DACH1: variants seen among roughly 807,000 people sequenced by gnomAD.
The protein encoded by DACH1 is dachshund homolog 1.
Under a neutral mutation model 54.2 loss-of-function variants are expected in DACH1, and 12 were observed. The observed-to-expected ratio is 0.22, with a 90% confidence interval of 0.14 to 0.36. The LOEUF (loss-of-function observed/expected upper bound fraction) is 0.36. Among genes scored for constraint, DACH1 ranks in the 10% least tolerant of loss-of-function variants. The probability of loss-of-function intolerance (pLI) is 1.00; values close to 1 mark genes in which losing one functional copy is unlikely to be tolerated. For missense variants in DACH1, 805 were observed against 929.8 expected, an observed-to-expected ratio of 0.87 and a Z score of 1.75; for synonymous variants, 386 against 366.2, an observed-to-expected ratio of 1.05 and a Z score of -0.62.
intron 1 of DACH1, among the ~76,000 whole-genome samples, chr13:71,684,513 C>T (rs1881064235): frequency 1.3e-5 from 2 of 152,112 alleles, no homozygotes; most frequent in South Asian, 4.1e-4. Flanking sequence ...CCATCAAAGC[C>T]CTTTTCTATG....
chr13:71,449,610 G>A (rs917163691), intron 10 of DACH1, among the ~76,000 whole-genome samples: 1 of 151,820 alleles, frequency 6.6e-6, no homozygotes, highest in Non-Finnish European at 1.5e-5. Flanking sequence ...GTTGATGGGT[G>A]CAGCAAACCA....
intron 2 of DACH1, among the ~76,000 whole-genome samples, chr13:71,678,948 C>T (rs189280914): frequency 1.3e-3 from 197 of 152,302 alleles, no homozygotes; most frequent in African/African-American, 3.7e-3. Context: ...GCCTGAACCC[C>T]GGGCCCAGCC....
rs534509588 is a variant in DACH1 at position 71,786,544 on chromosome 13, G to T, written c.848+79378C>A. Among the ~76,000 whole-genome samples the T allele has an allele frequency of 2.0e-4, 31 of 152,240 alleles. 1 individual carries two copies. In the South Asian group the frequency reaches 6.4e-3, roughly 32 times the overall value. On this transcript the variant is annotated intron_variant, in intron 1 of 10. Coordinates refer to ENST00000613252, the MANE Select transcript of DACH1 (RefSeq NM_080759.6). ...GAAAGTAAAAAGGTTAATAAAATTA[G>T]ATCTTTACAACCTATCTGAAAATGG...
intron 1 of DACH1, among the ~76,000 whole-genome samples, chr13:71,856,742 T>G (rs1301089940): frequency 6.6e-6 from 1 of 151,920 alleles, no homozygotes; most frequent in African/African-American, 2.4e-5. Context: ...GATGACGTAA[T>G]GACTTGACAT....
At chr13:71,790,370 A>G (rs766221668) in intron 1 of DACH1, among the ~76,000 whole-genome samples, 2 of 152,170 alleles carry the variant, frequency 1.3e-5, no homozygotes, top group South Asian at 2.1e-4. Context: ...CAATTCTAAA[A>G]TGTCTCCTTA....
At chr13:71,799,758 T>C (rs1038125266) in intron 1 of DACH1, among the ~76,000 whole-genome samples, 22 of 152,066 alleles carry the variant, frequency 1.4e-4, no homozygotes, top group African/African-American at 2.7e-4. Flanking sequence ...GCTTATGGCA[T>C]AGGTGCAGAA....
intron 3 of DACH1, among the ~76,000 whole-genome samples, chr13:71,630,341 C>T (rs1473002030): frequency 2.0e-5 from 3 of 152,042 alleles, no homozygotes. Flanking sequence ...AAAGTTGATC[C>T]TATAATTAAA....
intron 1 of DACH1, among the ~76,000 whole-genome samples, chr13:71,816,609 TATATATACACGTGTATATATACAC>T (rs1887946500): frequency 1.0e-5 from 1 of 97,224 alleles, no homozygotes; most frequent in African/African-American, 3.5e-5. Flanking sequence ...TATGTGTGTA[TATATATACACGTGTATATATACAC>T]ACACATATGT....
chr13:71,744,304 A>G (rs999282703), intron 1 of DACH1, among the ~76,000 whole-genome samples: 6 of 152,200 alleles, frequency 3.9e-5, no homozygotes, highest in African/African-American at 1.2e-4. Flanking sequence ...TGTCCCAGAT[A>G]AGGCACTTAG....
At chr13:71,779,255 GTATATATGTGTA>G (rs1401978815) in intron 1 of DACH1, among the ~76,000 whole-genome samples, 14 of 60,062 alleles carry the variant, frequency 2.3e-4, no homozygotes, top group African/African-American at 4.9e-4. Flanking sequence ...ACGTATATAC[GTATATATGTGTA>G]TATATACGTA....
intron 10 of DACH1, among the ~76,000 whole-genome samples, chr13:71,449,542 G>T (rs188928132): frequency 6.6e-6 from 1 of 151,824 alleles, no homozygotes; most frequent in South Asian, 2.1e-4. Flanking sequence ...GGGGCTAGGG[G>T]AGGGAGAGCA....
intron 3 of DACH1, among the ~76,000 whole-genome samples, chr13:71,576,211 T>C (rs937674083): frequency 1.3e-5 from 2 of 152,122 alleles, no homozygotes; most frequent in African/African-American, 4.8e-5. Context: ...AAAAACTGAC[T>C]TAACTGCTAT....
At chr13:71,476,528 AATT>A (rs1877534860) in intron 8 of DACH1, among the ~76,000 whole-genome samples, 1 of 152,142 alleles carries the variant, frequency 6.6e-6, no homozygotes, top group Non-Finnish European at 1.5e-5. Flanking sequence ...ATTTTAAGAA[AATT>A]ATTCTACTTT....
chr13:71,488,984 T>A lies in DACH1; in HGVS notation c.1722+13A>T. The A allele has an allele frequency of 1.2e-6, 2 of 1,605,994 alleles. No homozygotes were observed. The highest frequency in any genetic ancestry group is 1.7e-6 in the Non-Finnish European group (2 of 1,177,044). ...TTCCATATGTCTTTCTTCCAGGTTGTAAAAAGGCCTACCTGTATGTTAGTC... is the reference window on the plus strand; with the variant it reads ...TTCCATATGTCTTTCTTCCAGGTTGAAAAAAGGCCTACCTGTATGTTAGTC... On this transcript the variant is annotated intron_variant, in intron 7 of 10. Transcript: ENST00000613252.
At chr13:71,744,191 A>G (rs997942471) in intron 1 of DACH1, among the ~76,000 whole-genome samples, 1 of 152,252 alleles carries the variant, frequency 6.6e-6, no homozygotes, top group African/African-American at 2.4e-5. Context: ...TTTGGAAATA[A>G]TAATCAATGG....
At chr13:71,492,948 T>A (rs145285162) in intron 6 of DACH1, among the ~76,000 whole-genome samples, 1 of 152,048 alleles carries the variant, frequency 6.6e-6, no homozygotes, top group Non-Finnish European at 1.5e-5. Flanking sequence ...CACATTCCAA[T>A]TGTATTATTT....
At chr13:71,781,513 A>G (rs1463745209) in intron 1 of DACH1, among the ~76,000 whole-genome samples, 1 of 151,672 alleles carries the variant, frequency 6.6e-6, no homozygotes, top group Non-Finnish European at 1.5e-5. Context: ...CAAGTAGCTG[A>G]GACTACAGGC....
chr13:71,450,060 G>GA (rs1267499508), intron 10 of DACH1, among the ~76,000 whole-genome samples: 5 of 151,532 alleles, frequency 3.3e-5, no homozygotes, highest in African/African-American at 4.8e-5. Context: ...CCTAAAACAA[G>GA]AAAAAATGTT....
In DACH1 at chr13:71,506,243, G is replaced by A. The variant is rs1007782783; in HGVS notation, c.1571-17095C>T. ...GCTGGTGTGCTGAACCCACTAACTC[G>A]TCATCTAGCATTAGGTATATCTCCC... On this transcript the variant is annotated intron_variant, in intron 6 of 10. Coordinates refer to ENST00000613252, the MANE Select transcript of DACH1 (RefSeq NM_080759.6). Among the ~76,000 whole-genome samples the A allele has an allele frequency of 2.2e-4, 33 of 149,058 alleles. No individual in the cohort carries two copies. In the East Asian group the frequency reaches 3.7e-3, roughly 17 times the overall value.
Sources: gnomAD v4.1 joint callset for allele counts (sites outside exome capture counted in the v4.1 genomes callset) on GRCh38, gnomAD v4.1.1 for gene constraint, MANE v1.5 for transcripts, NCBI Gene and HGNC (gene_info 2026-07-23, HGNC 2026-07-21) for gene names.